The following ABLIM1 variants were observed in gnomAD, a reference collection of about 807,000 sequenced individuals.
The protein encoded by ABLIM1 is actin binding LIM protein 1.
Under a neutral mutation model 107.0 loss-of-function variants are expected in ABLIM1, and 40 were observed. The observed-to-expected ratio is 0.37, with a 90% CI of 0.29 to 0.49. ABLIM1 has a LOEUF of 0.49. Among genes scored for constraint, ABLIM1 ranks in the 20% least tolerant of loss-of-function variants. ABLIM1 has a pLI of 0.97. For synonymous variants in ABLIM1, 357 were observed against 357.3 expected (o/e 1.00, Z 0.01); for missense variants, 857 against 1,008.5 (o/e 0.85, Z 2.04).
intron 7 of ABLIM1, among the ~76,000 whole-genome samples, chr10:114,490,002 G>A (rs1203871744): frequency 1.3e-5 from 2 of 152,278 alleles, no homozygotes; most frequent in East Asian, 1.9e-4. Context: ...AGCTGCACCC[G>A]GAGCCTCTGA....
chr10:114,666,056 A>G (rs949248937), intron 1 of ABLIM1, among the ~76,000 whole-genome samples: 4 of 152,200 alleles, frequency 2.6e-5, no homozygotes, highest in African/African-American at 9.7e-5. Flanking sequence ...TGGGCAAATC[A>G]GGTGACCTTT....
intron 1 of ABLIM1, among the ~76,000 whole-genome samples, chr10:114,673,726 C>A (rs1354221492): frequency 6.6e-6 from 1 of 152,214 alleles, no homozygotes; most frequent in African/African-American, 2.4e-5. Context: ...AGTTGTCTGA[C>A]TTCTCAAAAG....
At chr10:114,519,325 G>C (rs1019382550) in intron 6 of ABLIM1, among the ~76,000 whole-genome samples, 7 of 152,182 alleles carry the variant, frequency 4.6e-5, no homozygotes, top group African/African-American at 1.7e-4. Flanking sequence ...GTCCTAAGCA[G>C]GTATCACCTT....
At chr10:114,749,523 AC>A (rs1459597032) in intron 1 of ABLIM1, among the ~76,000 whole-genome samples, 1 of 151,940 alleles carries the variant, frequency 6.6e-6, no homozygotes, top group East Asian at 1.9e-4. Flanking sequence ...ATATAAATAA[AC>A]AAGCCCAAAG....
chr10:114,796,849 G>GTTACTTGTTGCT, the ABLIM1 span, among the ~76,000 whole-genome samples: 1 of 152,086 alleles, frequency 6.6e-6, no homozygotes, highest in Non-Finnish European at 1.5e-5. Flanking sequence ...GTAGACTTCT[G>GTTACTTGTTGCT]GGCCATGGGA....
chr10:114,596,612 C>T (rs1459808196), intron 2 of ABLIM1, among the ~76,000 whole-genome samples: 1 of 152,186 alleles, frequency 6.6e-6, no homozygotes, highest in African/African-American at 2.4e-5. Flanking sequence ...AGTTCACCAA[C>T]ACAATTTCTG....
chr10:114,787,113 T>A, the ABLIM1 span, among the ~76,000 whole-genome samples: 2 of 144,642 alleles, frequency 1.4e-5, no homozygotes, highest in Admixed American at 1.4e-4. Flanking sequence ...CGGCTGCCCA[T>A]CGTCTGAGAT....
chr10:114,699,108 A>G (rs1477135475), intron 1 of ABLIM1, among the ~76,000 whole-genome samples: 1 of 151,194 alleles, frequency 6.6e-6, no homozygotes, highest in East Asian at 1.9e-4. Context: ...GCTTAGCAAA[A>G]AAAAAAAAAA....
intron 1 of ABLIM1, among the ~76,000 whole-genome samples, chr10:114,711,983 G>A (rs978649186): frequency 2.6e-5 from 4 of 152,114 alleles, no homozygotes; most frequent in Non-Finnish European, 4.4e-5. Context: ...GAATGGAATC[G>A]GAGGAGCATG....
chr10:114,566,241 A>G (rs1172642821), intron 4 of ABLIM1, among the ~76,000 whole-genome samples: 1 of 152,150 alleles, frequency 6.6e-6, no homozygotes, highest in African/African-American at 2.4e-5. Flanking sequence ...CATCTTGTCA[A>G]TCCCCACAAA....
chr10:114,468,243 T>C, intron 10 of ABLIM1, 27 bp from the exon 11 acceptor site: 1 of 1,606,872 alleles, frequency 6.2e-7, no homozygotes. Flanking sequence ...GAATTTAAAG[T>C]CACAATGTTT....
At chr10:114,679,630 C>T (rs1341048765) in intron 1 of ABLIM1, among the ~76,000 whole-genome samples, 12 of 124,676 alleles carry the variant, frequency 9.6e-5, no homozygotes, top group African/African-American at 3.6e-4. Flanking sequence ...AACAAAACTC[C>T]GTCTCAAAAA....
At chr10:114,447,474 A>G (rs2061189682) in intron 15 of ABLIM1, among the ~76,000 whole-genome samples, 1 of 152,236 alleles carries the variant, frequency 6.6e-6, no homozygotes, top group South Asian at 2.1e-4. Context: ...AACAAATTTA[A>G]CTGAAAGAAG....
intron 1 of ABLIM1, among the ~76,000 whole-genome samples, chr10:114,617,171 C>T (rs552610944): frequency 1.3e-5 from 2 of 151,816 alleles, no homozygotes; most frequent in South Asian, 2.1e-4. Context: ...TAGTGAAGGG[C>T]GTTCAGCCTC....
Position 114,473,889 on chromosome 10 carries a change from T to C in ABLIM1, c.1109A>G (p.His370Arg). 1 of 1,611,738 alleles carries C rather than the reference T, an allele frequency of 6.2e-7. No homozygotes were observed. The highest frequency in any genetic ancestry group is 1.7e-5 in the Admixed American group (1 of 60,002). The stretch of plus-strand genomic sequence containing the variant: ...GAAGTAGATACTTACATAGATAGTA[T>C]GACCTGGTGAGCCAGGAATACTGGA... The part of the protein sequence containing the change: ...PGSSIPGSPG[H>R]TIYAKVDNEI... The change falls in exon 9 of 23, where the codon CAT (histidine) becomes CGT (arginine). Residue 370 changes from histidine (H) to arginine (R), a missense_variant. His to Arg is a conservative substitution (Grantham distance 29). Around this residue, in one of 5 missense-constraint regions of ABLIM1, gnomAD observed 381 missense variants for 506.9 expected, o/e 0.75. Coordinates refer to ENST00000533213, the MANE Select transcript of ABLIM1 (RefSeq NM_002313.7).
intron 16 of ABLIM1, among the ~76,000 whole-genome samples, chr10:114,444,473 G>A (rs1243139176): frequency 6.6e-6 from 1 of 152,180 alleles, no homozygotes; most frequent in African/African-American, 2.4e-5. Context: ...GAAGACTGGG[G>A]CTGGTATCCT....
At chr10:114,695,602 C>A (rs756705879) in intron 1 of ABLIM1, among the ~76,000 whole-genome samples, 35 of 152,094 alleles carry the variant, frequency 2.3e-4, no homozygotes, top group Non-Finnish European at 4.1e-4. Context: ...ACACAGAGAG[C>A]CAATGAATTA....
chr10:114,727,265 T>G (rs1320803806), intron 1 of ABLIM1, among the ~76,000 whole-genome samples: 2 of 152,218 alleles, frequency 1.3e-5, no homozygotes, highest in Admixed American at 1.3e-4. Context: ...CTATTCTTAA[T>G]AGTTAACAAG....
At chr10:114,618,743 GC>G (rs753355968) in intron 1 of ABLIM1, among the ~76,000 whole-genome samples, 14 of 152,324 alleles carry the variant, frequency 9.2e-5, no homozygotes, top group Non-Finnish European at 1.5e-4. Context: ...CACCACGCTA[GC>G]CCCCAACCTG....
Sources: allele counts gnomAD v4.1 joint callset (sites outside exome capture counted in the v4.1 genomes callset), GRCh38; gene constraint gnomAD v4.1.1; regional missense constraint gnomAD v4.1.1; transcripts MANE v1.5; gene names NCBI Gene and HGNC (gene_info 2026-07-23, HGNC 2026-07-21).